PHIP: variants seen among roughly 807,000 people sequenced by gnomAD.
The protein encoded by PHIP is PH-interacting protein.
Under a neutral mutation model 236.8 loss-of-function variants are expected in PHIP, and 54 were observed. The ratio of observed to expected loss-of-function variants is 0.23; its 90% CI spans 0.18 to 0.29. PHIP has a LOEUF of 0.29. Ranked by LOEUF, PHIP falls within the 10% of genes least tolerant of loss-of-function variation. The pLI is 1.00. For missense variants in PHIP, 1,370 were observed against 2,190.8 expected (o/e 0.63, Z 7.48); for synonymous variants, 756 against 718.9 (o/e 1.05, Z -0.83).
chr6:79,001,871 T>C, intron 17 of PHIP, 28 bp downstream of exon 17: 1 of 1,466,580 alleles, frequency 6.8e-7, no homozygotes, highest in Non-Finnish European at 9.6e-7. Context: ...AGAAGAAAAT[T>C]TGATTGTCTA....
intron 22 of PHIP, among the ~76,000 whole-genome samples, chr6:78,984,208 CCAGAT>C (rs1368802552): frequency 3.3e-5 from 5 of 152,088 alleles, no homozygotes; most frequent in African/African-American, 1.2e-4. Flanking sequence ...CCTAATCATC[CCAGAT>C]AAGAATCAAA....
intron 27 of PHIP, among the ~76,000 whole-genome samples, chr6:78,967,420 A>T (rs746845510): frequency 2.0e-5 from 3 of 152,238 alleles, no homozygotes; most frequent in Non-Finnish European, 4.4e-5. Context: ...GGAAGGACTG[A>T]GTAATGTGTG....
Position 78,938,455 on chromosome 6 carries a change from T to C in PHIP, c.*2238A>G, listed in dbSNP as rs1773352535. 6.6e-6 allele frequency: 1 copy of C among 151,724 alleles called. No homozygotes were observed. Among genetic ancestry groups the C allele is most frequent in the African/African-American group, 2.4e-5 (1 of 41,436 alleles). 9.4% of individuals were successfully genotyped at this position (151,724 alleles called of 1,614,324 possible). ...AAACTGTACATTTTTTTTACAAAAATTGATTTTATAGCCTATTATTTTTTT... is the reference window on the plus strand; with the variant it reads ...AAACTGTACATTTTTTTTACAAAAACTGATTTTATAGCCTATTATTTTTTT... On this transcript the variant is annotated 3_prime_UTR_variant, in exon 40 of 40. Transcript: ENST00000275034.
At chr6:79,041,892 G>A (rs1301523025) in intron 7 of PHIP, among the ~76,000 whole-genome samples, 3 of 152,062 alleles carry the variant, frequency 2.0e-5, no homozygotes, top group Non-Finnish European at 4.4e-5. Context: ...ATGACTGGGT[G>A]TATGGATAGA....
intron 4 of PHIP, among the ~76,000 whole-genome samples, chr6:79,072,830 G>T (rs1164730150): frequency 6.6e-6 from 1 of 152,080 alleles, no homozygotes; most frequent in Admixed American, 6.5e-5. Context: ...ATACATACTT[G>T]TGCCTGGAAT....
intron 7 of PHIP, among the ~76,000 whole-genome samples, chr6:79,027,416 C>T (rs1467017197): frequency 1.3e-5 from 2 of 152,100 alleles, no homozygotes; most frequent in African/African-American, 4.8e-5. Flanking sequence ...TTATCACATA[C>T]CCTTAACCTC....
intron 35 of PHIP, among the ~76,000 whole-genome samples, chr6:78,953,851 G>T (rs1452251702): frequency 1.3e-5 from 2 of 152,026 alleles, no homozygotes; most frequent in Non-Finnish European, 2.9e-5. Context: ...TTCCCAAAGT[G>T]CTGGGATTAC....
intron 29 of PHIP, among the ~76,000 whole-genome samples, chr6:78,963,999 A>C (rs1766963032): frequency 6.6e-6 from 1 of 152,230 alleles, no homozygotes; most frequent in African/African-American, 2.4e-5. Context: ...GTAGGAAACA[A>C]AACAGTGAAT....
rs773031432 is a variant in PHIP, at chr6:78,955,658, A to G, written c.3807T>C (p.Ile1269=). The part of the protein sequence containing the change: ...FIKDQTCYNI[I]PLYNSMKKKV... ...TCTTCTTCATTGAATTATAAAGTGGAATTATGTTATAACAAGTCTGATCCC... is the reference window on the plus strand; with the variant it reads ...TCTTCTTCATTGAATTATAAAGTGGGATTATGTTATAACAAGTCTGATCCC... Residue 1269 remains isoleucine (I), a synonymous_variant, in exon 33 of 40, where the codon ATT becomes ATC. Coordinates refer to ENST00000275034, the MANE Select transcript of PHIP (RefSeq NM_017934.7). The G allele has an allele frequency of 5.5e-6, 6 of 1,086,804 alleles. No homozygotes were observed. In the African/African-American group the frequency reaches 7.8e-5, roughly 14 times the overall value. 67.3% of individuals were successfully genotyped at this position (1,086,804 alleles called of 1,614,324 possible).
In PHIP at chr6:79,015,135, C is replaced by T. The variant is rs1333889364; in HGVS notation, c.1471G>A (p.Val491Met). ...VLFSAGHDGNVIVWDLARGVK... is the reference protein window; with the variant it reads ...VLFSAGHDGNMIVWDLARGVK... Reference sequence around the variant, plus strand: ...CCTCTTGCCAGATCCCACACTATCACGTTTCCATCATGACCAGCAGAAAAG... The same window carrying T: ...CCTCTTGCCAGATCCCACACTATCATGTTTCCATCATGACCAGCAGAAAAG... Residue 491 changes from valine to methionine, a missense_variant, in exon 15 of 40, where the codon GTG (valine) becomes ATG (methionine). Physicochemically the swap from Val to Met is conservative, Grantham distance 21. Coordinates refer to ENST00000275034, the MANE Select transcript of PHIP (RefSeq NM_017934.7). 1 of 1,611,200 alleles carries T rather than the reference C, an allele frequency of 6.2e-7. No homozygotes were observed. The highest frequency in any genetic ancestry group is 8.5e-7 in the Non-Finnish European group (1 of 1,177,834).
At position 78,962,201 on chromosome 6, in the gene PHIP, G is replaced by A. The variant is rs1223206104; in HGVS notation, c.3536-391C>T. ...AATCTAACCTTTGACTTTCTCAAAC[G>A]TATCCCTTTATCTCAACTTTACATT... On this transcript the variant is annotated intron_variant, in intron 30 of 39. Coordinates refer to ENST00000275034, the MANE Select transcript of PHIP (RefSeq NM_017934.7). 4.6e-5 allele frequency among the ~76,000 whole-genome samples: 7 copies of A among 152,096 alleles called. No individual in the cohort carries two copies. The East Asian group carries it at 1.4e-3, about 29-fold the overall frequency.
intron 4 of PHIP, 125 bp downstream of exon 4, chr6:79,077,323 C>T: frequency 2.2e-6 from 2 of 923,024 alleles, no homozygotes; most frequent in Non-Finnish European, 1.7e-6. Context: ...TCCCAACCCT[C>T]CCCATGGCCT....
In PHIP at chr6:78,945,333, T is replaced by A. The variant is rs1562113213; in HGVS notation, c.4795A>T (p.Thr1599Ser). ...MKSSVLPKASTLSKSSAVIEQ... is the reference protein window; with the variant it reads ...MKSSVLPKASSLSKSSAVIEQ... ...ATGACAGCTGATGACTTTGAAAGAG[T>A]GGACGCCTTTGGGAGTACAGATGAC... Residue 1599 changes from threonine (T) to serine (S), a missense_variant, in exon 39 of 40, where the codon ACT (threonine) becomes TCT (serine). Thr to Ser is a moderately conservative substitution (Grantham distance 58). Around this residue, in one of 14 missense-constraint regions of PHIP, gnomAD observed 309 missense variants for 328.3 expected, o/e 0.94. Transcript: ENST00000275034. 1 of 1,613,422 alleles carries A rather than the reference T, an allele frequency of 6.2e-7. No homozygotes were observed. The highest frequency in any genetic ancestry group is 8.5e-7 in the Non-Finnish European group (1 of 1,179,556).
chr6:78,974,036 T>A (rs1021636234), intron 24 of PHIP, among the ~76,000 whole-genome samples: 6 of 152,302 alleles, frequency 3.9e-5, no homozygotes, highest in African/African-American at 1.4e-4. Context: ...CTAATAGACT[T>A]CTGCAGAACT....
chr6:78,955,847 A>AC (rs201980080), intron 32 of PHIP, 165 bp from the exon 33 acceptor site: 6,070 of 396,406 alleles, frequency 0.015, 72 homozygotes, highest in Non-Finnish European at 0.02. Context: ...TTTAACCCTG[A>AC]CCCCTCCACT....
chr6:79,032,257 G>C (rs993944035), intron 7 of PHIP, among the ~76,000 whole-genome samples: 2 of 152,166 alleles, frequency 1.3e-5, no homozygotes, highest in African/African-American at 4.8e-5. Context: ...TGAAGGTTGG[G>C]GTAGCTGTGA....
chr6:79,053,873 A>C (rs1418993112), intron 6 of PHIP, among the ~76,000 whole-genome samples: 1 of 152,242 alleles, frequency 6.6e-6, no homozygotes, highest in East Asian at 1.9e-4. Context: ...TGGAGGGGAT[A>C]TCCCTCATCA....
chr6:79,019,031 A>G, intron 10 of PHIP, 58 bp downstream of exon 10: 1 of 1,145,846 alleles, frequency 8.7e-7, no homozygotes, highest in Non-Finnish European at 1.3e-6. Flanking sequence ...TACACACTCC[A>G]CTATAAGGCT....
At chr6:78,992,592 A>C (rs1269341928) in intron 19 of PHIP, among the ~76,000 whole-genome samples, 1 of 152,064 alleles carries the variant, frequency 6.6e-6, no homozygotes, top group Non-Finnish European at 1.5e-5. Context: ...GGTAATTCTT[A>C]AAATATTTCT....
Sources: allele counts gnomAD v4.1 joint callset (sites outside exome capture counted in the v4.1 genomes callset), GRCh38; gene constraint gnomAD v4.1.1; regional missense constraint gnomAD v4.1.1; transcripts MANE v1.5; gene names NCBI Gene and HGNC (gene_info 2026-07-23, HGNC 2026-07-21).